Variants in DYNLL1 observed in about 807,000 individuals in gnomAD.
DYNLL1 encodes dynein light chain 1, cytoplasmic.
In DYNLL1, 3 loss-of-function variants were observed where a neutral mutation model predicts 10.1. The observed-to-expected ratio is 0.30, with a 90% CI of 0.14 to 0.77. The LOEUF (loss-of-function observed/expected upper bound fraction) is 0.77. DYNLL1 is among the 30% of genes least tolerant of loss of function. The pLI is 0.66. For synonymous variants in DYNLL1, 46 were observed against 41.2 expected (o/e 1.12, Z -0.45); for missense variants, 47 against 111.7 (o/e 0.42, Z 2.61).
At chr12:120,470,943 G>T (rs1283562931) in intron 1 of DYNLL1, among the ~76,000 whole-genome samples, 1 of 152,102 alleles carries the variant, frequency 6.6e-6, no homozygotes, top group Non-Finnish European at 1.5e-5. Context: ...TACGCGGGAG[G>T]CTGAGGCAGG....
At chr12:120,479,259 C>G (rs928777258) in intron 1 of DYNLL1, among the ~76,000 whole-genome samples, 3 of 148,306 alleles carry the variant, frequency 2.0e-5, no homozygotes, top group African/African-American at 7.4e-5. Context: ...GTCAGGAGTT[C>G]GAGACCAACA....
chr12:120,495,989 A>G (rs1710132), upstream of DYNLL1: 74,317 of 262,408 alleles, frequency 0.28, 12,120 homozygotes, highest in Admixed American at 0.39. Flanking sequence ...CATGGAGTCA[A>G]TGGACCAATG....
At chr12:120,485,361 A>G (rs1438377158) in intron 1 of DYNLL1, among the ~76,000 whole-genome samples, 3 of 146,364 alleles carry the variant, frequency 2.0e-5, no homozygotes, top group African/African-American at 5.1e-5. Flanking sequence ...GGTTCAAGCA[A>G]TTCTCTGCCT....
At chr12:120,482,392 G>A (rs1218924435) in intron 1 of DYNLL1, among the ~76,000 whole-genome samples, 7 of 151,304 alleles carry the variant, frequency 4.6e-5, no homozygotes, top group African/African-American at 9.7e-5. Flanking sequence ...GCGCCATCTC[G>A]GCTCGCTGCA....
At chr12:120,476,279 G>C (rs1241982582) in intron 1 of DYNLL1, among the ~76,000 whole-genome samples, 1 of 150,346 alleles carries the variant, frequency 6.7e-6, no homozygotes, top group Non-Finnish European at 1.5e-5. Flanking sequence ...ATTCCTTAAA[G>C]GTAAAAAACA....
Position 120,496,151 on chromosome 12 carries a change from C to G in DYNLL1, c.-72C>G, listed in dbSNP as rs554496255. 1 of 553,230 alleles carries G rather than the reference C, an allele frequency of 1.8e-6. No individual in the cohort carries two copies. Among genetic ancestry groups the G allele is most frequent in the Non-Finnish European group, 3.2e-6 (1 of 311,694 alleles). 34.3% of individuals were successfully genotyped at this position (553,230 alleles called of 1,614,324 possible). On this transcript the variant is annotated 5_prime_UTR_variant, in exon 1 of 3. Coordinates refer to ENST00000242577, the MANE Select transcript of DYNLL1 (RefSeq NM_003746.3). ...TTTCGGTAGCGACGGTATCTCTAGC[C>G]GGGCCTGAGCTGTGCTAGCACCTCC...
At chr12:120,477,591 A>T (rs59986216) in intron 1 of DYNLL1, among the ~76,000 whole-genome samples, 4,481 of 151,924 alleles carry the variant, frequency 0.029, 230 homozygotes, top group African/African-American at 0.1. Context: ...CTCTACAAAA[A>T]AAATAAATAA....
chr12:120,496,742 T>A, intron 2 of DYNLL1, 189 bp downstream of exon 2: 1 of 25,644 alleles, frequency 3.9e-5, no homozygotes, highest in Non-Finnish European at 6.0e-5. Context: ...GCGTCCGAAG[T>A]TTTTTTTTTT....
intron 1 of DYNLL1, among the ~76,000 whole-genome samples, chr12:120,482,995 C>T (rs1878915364): frequency 6.6e-6 from 1 of 151,940 alleles, no homozygotes; most frequent in African/African-American, 2.4e-5. Flanking sequence ...GCAGGAGGAT[C>T]CCTCAAGCCC....
At position 120,498,285 on chromosome 12, in the gene DYNLL1, A is replaced by G; in HGVS notation, c.*75A>G. ...GCAGCCTAAATTCCAAATACCAGAG[A>G]CTGAAATTTTCAGCCTTGCTAAGGG... On this transcript the variant is annotated 3_prime_UTR_variant, in exon 3 of 3. Transcript: ENST00000242577. The G allele has an allele frequency of 1.3e-6, 2 of 1,533,416 alleles. No individual in the cohort carries two copies. The highest frequency in any genetic ancestry group is 1.7e-6 in the Non-Finnish European group (2 of 1,146,134). The allele number at this position is 1,533,416 out of a possible 1,614,324, so 95.0% of individuals were successfully genotyped here.
intron 1 of DYNLL1, among the ~76,000 whole-genome samples, chr12:120,487,294 T>C (rs1879019181): frequency 8.2e-6 from 1 of 121,278 alleles, no homozygotes; most frequent in Non-Finnish European, 1.7e-5. Context: ...TTTTTTTTTT[T>C]TTTTTTTTTT....
In DYNLL1 at chr12:120,476,858, C is replaced by A. The variant is rs187987558; in HGVS notation, c.-7+6754C>A. The stretch of plus-strand genomic sequence containing the variant: ...AACTCCCAACCTCAGGTGGTCCGCC[C>A]GCCTTGGCCTCCCAAAGTGCTGGGA... On this transcript the variant is annotated intron_variant, in intron 1 of 2. Transcript: ENST00000392509. Among the ~76,000 whole-genome samples, 459 of 150,332 alleles carry A rather than the reference C, an allele frequency of 3.1e-3. 8 individuals are homozygous for A. The highest frequency in any genetic ancestry group is 0.01 in the African/African-American group (426 of 40,918).
chr12:120,490,006 C>G (rs1001824309), intron 1 of DYNLL1, among the ~76,000 whole-genome samples: 3 of 152,216 alleles, frequency 2.0e-5, no homozygotes, highest in African/African-American at 7.2e-5. Flanking sequence ...CCTTGGCCTC[C>G]CAAAGTGCTA....
chr12:120,481,156 C>T (rs777879753), intron 1 of DYNLL1, among the ~76,000 whole-genome samples: 3 of 152,148 alleles, frequency 2.0e-5, no homozygotes, highest in Non-Finnish European at 2.9e-5. Context: ...CAGTGACTTC[C>T]TGTGATGTCT....
intron 1 of DYNLL1, among the ~76,000 whole-genome samples, chr12:120,470,342 T>C (rs1806280946): frequency 6.6e-6 from 1 of 152,050 alleles, no homozygotes; most frequent in African/African-American, 2.4e-5. Context: ...CATGCTCCCA[T>C]CCTAAGTACT....
At chr12:120,474,617 C>G (rs969078921) in intron 1 of DYNLL1, among the ~76,000 whole-genome samples, 7 of 152,166 alleles carry the variant, frequency 4.6e-5, no homozygotes, top group African/African-American at 1.7e-4. Context: ...CAACGCCAGG[C>G]ATAAAACATG....
chr12:120,470,435 C>G (rs1429887884), intron 1 of DYNLL1, among the ~76,000 whole-genome samples: 3 of 152,054 alleles, frequency 2.0e-5, no homozygotes, highest in Non-Finnish European at 4.4e-5. Context: ...GCATTGAACC[C>G]AGGGACCTTA....
rs755964994 is a variant in DYNLL1 at position 120,496,547 on chromosome 12, C to A, written c.126C>A (p.Ile42=). The A allele has an allele frequency of 6.2e-7, 1 of 1,614,074 alleles. No individual in the cohort carries two copies. The highest frequency in any genetic ancestry group is 1.1e-5 in the South Asian group (1 of 91,078). Residue 42 remains isoleucine, a synonymous_variant, in exon 2 of 3, where the codon ATC becomes ATA. Coordinates refer to ENST00000242577, the MANE Select transcript of DYNLL1 (RefSeq NM_003746.3). ...YNIEKDIAAH[I]KKEFDKKYNP... ...TAGAGAAGGACATTGCGGCTCATAT[C>A]AAGAAGGTGAGGATGGGCGCGGGGG... is the stretch of plus-strand genomic sequence containing the variant.
chr12:120,481,569 T>G (rs1878879550), intron 1 of DYNLL1, among the ~76,000 whole-genome samples: 1 of 152,206 alleles, frequency 6.6e-6, no homozygotes, highest in African/African-American at 2.4e-5. Flanking sequence ...ATGGAAGCGA[T>G]GCATAGGGCA....
Sources: gnomAD v4.1 joint callset for allele counts (sites outside exome capture counted in the v4.1 genomes callset) on GRCh38, gnomAD v4.1.1 for gene constraint, MANE v1.5 for transcripts, NCBI Gene and HGNC (gene_info 2026-07-23, HGNC 2026-07-21) for gene names.